The following C16orf95 variants were observed in gnomAD, a reference collection of about 807,000 sequenced individuals.
The protein encoded by C16orf95 is uncharacterized protein C16orf95.
Under a neutral mutation model 32.1 loss-of-function variants are expected in C16orf95, and 41 were observed. The observed-to-expected ratio is 1.28, with a 90% CI of 1.00 to 1.66. The LOEUF (loss-of-function observed/expected upper bound fraction) is 1.66. Ranked by LOEUF, C16orf95 falls within the 40% of genes most tolerant of loss-of-function variation. C16orf95 has a pLI of 0.00. For missense variants in C16orf95, 399 were observed against 325.9 expected (o/e 1.22, Z -1.73); for synonymous variants, 147 against 128.9 (o/e 1.14, Z -0.95).
At position 87,305,939 on chromosome 16, in the gene C16orf95, G is replaced by A. The variant is rs773052360; in HGVS notation, c.515-34C>T. ...AGAAAAGGTGGGTTGAGGACAGGGC[G>A]TGTTCTCCGGGACTCTGTGAGCCAC... On this transcript the variant is annotated intron_variant, in intron 5 of 6. Transcript: ENST00000567970. The surrounding 1 kb of genome is among the most constrained non-coding windows in gnomAD (Gnocchi z 4.2). The A allele has an allele frequency of 1.1e-4, 151 of 1,380,970 alleles. No individual in the cohort carries two copies. The highest frequency in any genetic ancestry group is 1.9e-4 in the Middle Eastern group (1 of 5,322). 85.5% of individuals were successfully genotyped at this position (1,380,970 alleles called of 1,614,324 possible).
intron 5 of C16orf95, among the ~76,000 whole-genome samples, chr16:87,306,590 T>C (rs1212549168): frequency 2.0e-5 from 3 of 152,210 alleles, no homozygotes; most frequent in Admixed American, 6.5e-5. Flanking sequence ...AGTCTGTCTT[T>C]ACAAGAAAAA....
At chr16:87,307,924 T>TA (rs1383088937) in intron 5 of C16orf95, among the ~76,000 whole-genome samples, 1 of 152,238 alleles carries the variant, frequency 6.6e-6, no homozygotes, top group Non-Finnish European at 1.5e-5. Context: ...AGTCTTTTTT[T>TA]ACATCATTAA....
Position 87,317,357 on chromosome 16 carries a change from A to G in C16orf95, c.-115T>C. ...AGGAACCCAACCCGAGCTCAACCCC[A>G]GCCCCAACCTCAACCGCTCAGAGGA... is the stretch of plus-strand genomic sequence containing the variant. On this transcript the variant is annotated 5_prime_UTR_variant, in exon 1 of 7. Coordinates refer to ENST00000567970, the MANE Select transcript of C16orf95 (RefSeq NM_001195124.3). 4.2e-6 allele frequency: 6 copies of G among 1,414,282 alleles called. No homozygotes were observed. The highest frequency in any genetic ancestry group is 1.5e-5 in the South Asian group (1 of 66,270). The allele number at this position is 1,414,282 out of a possible 1,614,324, so 87.6% of individuals were successfully genotyped here. A position where few individuals can be genotyped will look rare whatever the true frequency, so the allele number is the denominator to read the frequency against.
rs536873448 is a variant in C16orf95, at chr16:87,305,385, G to A, written c.701+334C>T. ...GGGTGAGTGGCTGTTAAGATGCACC[G>A]TCAACCCCAACATAACAATGAAAAT... On this transcript the variant is annotated intron_variant, in intron 6 of 6. Coordinates refer to ENST00000567970, the MANE Select transcript of C16orf95 (RefSeq NM_001195124.3). This position sits in a 1 kb window ranked among gnomAD's most constrained non-coding sequence, Gnocchi z 4.2. Among the ~76,000 whole-genome samples the A allele has an allele frequency of 4.3e-4, 65 of 152,264 alleles. No individual in the cohort carries two copies. The highest frequency in any genetic ancestry group is 1.3e-3 in the African/African-American group (52 of 41,548).
At chr16:87,315,867 G>A (rs1006692250) in intron 1 of C16orf95, 44 bp from the exon 2 acceptor site, 2 of 1,464,882 alleles carry the variant, frequency 1.4e-6, no homozygotes, top group Admixed American at 4.2e-5. Flanking sequence ...TGTAAACTAG[G>A]GGGCAGGGAT....
chr16:87,311,626 C>T (rs1911288937), intron 3 of C16orf95, among the ~76,000 whole-genome samples: 1 of 152,224 alleles, frequency 6.6e-6, no homozygotes, highest in Admixed American at 6.5e-5. Context: ...TGGTCTCCAG[C>T]TGGGGCCCTT....
At chr16:87,314,111 T>C (rs1597347348) in intron 3 of C16orf95, among the ~76,000 whole-genome samples, 1 of 152,316 alleles carries the variant, frequency 6.6e-6, no homozygotes, top group East Asian at 1.9e-4. Context: ...AACAGGTTTC[T>C]TTTTTAAAGT....
chr16:87,314,078 A>G (rs1230748193), intron 3 of C16orf95, among the ~76,000 whole-genome samples: 1 of 152,180 alleles, frequency 6.6e-6, no homozygotes, highest in African/African-American at 2.4e-5. Context: ...GCTAGTAGAG[A>G]TGTAAAATGG....
In C16orf95 at chr16:87,317,078, A is replaced by T; in HGVS notation, c.152+13T>A. On this transcript the variant is annotated intron_variant, in intron 1 of 6. Transcript: ENST00000567970. ...TGTCGGGTAGCCGCGGGCAGGATTC[A>T]GGACTCACTTGCCTGCCATCCTGCG... is the stretch of plus-strand genomic sequence containing the variant. 6.6e-7 allele frequency: 1 copy of T among 1,510,596 alleles called. No homozygotes were observed. The highest frequency in any genetic ancestry group is 1.2e-5 in the South Asian group (1 of 80,994). The allele number at this position is 1,510,596 out of a possible 1,614,324, so 93.6% of individuals were successfully genotyped here.
At chr16:87,307,134 G>T (rs1911064843) in intron 5 of C16orf95, among the ~76,000 whole-genome samples, 1 of 152,150 alleles carries the variant, frequency 6.6e-6, no homozygotes, top group African/African-American at 2.4e-5. Flanking sequence ...CTCATTCATA[G>T]ATTCCATCAA....
At chr16:87,309,722 C>T (rs1480331435) in intron 5 of C16orf95, among the ~76,000 whole-genome samples, 2 of 152,094 alleles carry the variant, frequency 1.3e-5, no homozygotes, top group African/African-American at 4.8e-5. Context: ...CAAGGCCCCT[C>T]ACATGAATAC....
At chr16:87,303,744 T>A (rs1910871884) in intron 6 of C16orf95, 1 of 152,476 alleles carries the variant, frequency 6.6e-6, no homozygotes, top group South Asian at 2.1e-4. Flanking sequence ...AGTGCCAGAA[T>A]TCAGGGGCTG....
chr16:87,317,166 G>A lies in C16orf95; in HGVS notation c.77C>T (p.Ala26Val), dbSNP rs1287600894. ...CCCCGCGCCCGGCCCCCCGGCAGCA[G>A]CGCCTGAGGCTGCTCCAGTGGCCTC... ...HHEATGAASG[A>V]AAGGPGAGCV... The change falls in exon 1 of 7, where the codon GCT becomes GTT. Residue 26 changes from alanine (A) to valine (V), a missense_variant. Ala to Val is a moderately conservative substitution (Grantham distance 64). Transcript: ENST00000567970. 12 of 1,531,112 alleles carry A rather than the reference G, an allele frequency of 7.8e-6. No individual in the cohort carries two copies. The highest frequency in any genetic ancestry group is 9.6e-6 in the Non-Finnish European group (11 of 1,144,782). 94.8% of individuals were successfully genotyped at this position (1,531,112 alleles called of 1,614,324 possible).
chr16:87,311,562 C>A (rs2150652765), intron 3 of C16orf95, among the ~76,000 whole-genome samples: 1 of 152,358 alleles, frequency 6.6e-6, no homozygotes, highest in South Asian at 2.1e-4. Context: ...TGCACCTGTG[C>A]CCTGGCGGAG....
chr16:87,310,535 G>C (rs1911234188), intron 4 of C16orf95, among the ~76,000 whole-genome samples: 1 of 152,198 alleles, frequency 6.6e-6, no homozygotes, highest in Non-Finnish European at 1.5e-5. Flanking sequence ...CTGGAAGTCA[G>C]GGGGAAGGAA....
At position 87,317,370 on chromosome 16, in the gene C16orf95, A is replaced by C; in HGVS notation, c.-128T>G. 3 of 1,388,370 alleles carry C rather than the reference A, an allele frequency of 2.2e-6. No homozygotes were observed. The highest frequency in any genetic ancestry group is 1.9e-6 in the Non-Finnish European group (2 of 1,074,220). 86.0% of individuals were successfully genotyped at this position (1,388,370 alleles called of 1,614,324 possible). ...GAGCTCAACCCCAGCCCCAACCTCA[A>C]CCGCTCAGAGGAGCCCAACAACGCC... On this transcript the variant is annotated 5_prime_UTR_variant, in exon 1 of 7. Transcript: ENST00000567970.
rs1197479500 is a variant in C16orf95 at position 87,305,729 on chromosome 16, T to C, written c.691A>G (p.Met231Val). 1.3e-6 allele frequency: 2 copies of C among 1,506,792 alleles called. No individual in the cohort carries two copies. The highest frequency in any genetic ancestry group is 2.1e-5 in the Admixed American group (1 of 47,776). 93.3% of individuals were successfully genotyped at this position (1,506,792 alleles called of 1,614,324 possible). The change falls in exon 6 of 7, where the codon ATG (methionine) becomes GTG (valine). Residue 231 changes from methionine to valine, a missense_variant. Transcript: ENST00000567970. This position sits in a 1 kb window ranked among gnomAD's most constrained non-coding sequence, Gnocchi z 4.2. ...TLLQAIPRVI[M>V]AIRQCFGV Reference sequence around the variant, plus strand: ...CCCCCACCTGCTCACCGAATGGCCATGATGACCCTCGGGATGGCCTGGAGG... The same window carrying C: ...CCCCCACCTGCTCACCGAATGGCCACGATGACCCTCGGGATGGCCTGGAGG...
chr16:87,312,568 C>CAAAAAA (rs71389850), intron 3 of C16orf95, among the ~76,000 whole-genome samples: 13 of 85,466 alleles, frequency 1.5e-4, no homozygotes, highest in East Asian at 3.8e-4. Context: ...GACTCCATCT[C>CAAAAAA]AAAAAAAAAA....
intron 6 of C16orf95, among the ~76,000 whole-genome samples, chr16:87,304,280 G>C (rs570287427): frequency 2.5e-5 from 2 of 78,694 alleles, no homozygotes; most frequent in East Asian, 4.4e-4. Flanking sequence ...AAAGTGCTGG[G>C]ATCCAGGTGT....
Sources: allele counts gnomAD v4.1 joint callset (sites outside exome capture counted in the v4.1 genomes callset), GRCh38; gene constraint gnomAD v4.1.1; non-coding constraint Gnocchi (gnomAD v3.1); transcripts MANE v1.5; gene names NCBI Gene and HGNC (gene_info 2026-07-23, HGNC 2026-07-21).